Variants in CARD6 observed in about 807,000 individuals in gnomAD.
CARD6 encodes caspase recruitment domain family member 6.
A neutral mutation model predicts 23.6 loss-of-function variants in CARD6; 27 were observed. The observed-to-expected ratio is 1.14, with a 90% CI of 0.84 to 1.58. The LOEUF (loss-of-function observed/expected upper bound fraction) is 1.58, where lower values mean the gene tolerates loss of function less well. Among genes scored for constraint, CARD6 ranks in the 40% most tolerant of loss-of-function variants. The pLI is 0.00. For synonymous variants in CARD6, 397 were observed against 431.8 expected (o/e 0.92, Z 1.00); for missense variants, 1,214 against 1,209.9 (o/e 1.00, Z -0.05).
chr5:40,843,041 A>AAAAT (rs1338842811), intron 1 of CARD6, 111 bp from the exon 2 acceptor site: 68 of 739,476 alleles, frequency 9.2e-5, no homozygotes, highest in Non-Finnish European at 1.3e-4. Flanking sequence ...TCTGTCTCAA[A>AAAAT]AAATAAATAA....
chr5:40,854,048 CA>C lies in CARD6; in HGVS notation c.2721del (p.Lys907AsnfsTer2). On this transcript the variant is annotated frameshift_variant, in exon 3 of 3. Transcript: ENST00000254691. LOFTEE classifies it low-confidence loss of function (END_TRUNC). ...PQSFQPAAAT[Q>X]KLRPASQQGV... Reference sequence around the variant, plus strand: ...GTCCTTTCAACCAGCAGCAGCCACACAAAAACTAAGACCTGCTTCTCAGCAA... The same window carrying C: ...GTCCTTTCAACCAGCAGCAGCCACACAAAACTAAGACCTGCTTCTCAGCAA... 1 of 1,614,192 alleles carries C rather than the reference CA, an allele frequency of 6.2e-7. No homozygotes were observed. The highest frequency in any genetic ancestry group is 8.5e-7 in the Non-Finnish European group (1 of 1,180,044).
In CARD6 at chr5:40,854,436, G is replaced by A. The variant is rs1164874244; in HGVS notation, c.3104G>A (p.Gly1035Glu). Residue 1035 changes from glycine (G) to glutamate (E), a missense_variant, in exon 3 of 3, where the codon GGG (glycine) becomes GAG (glutamate). Physicochemically the swap from Gly to Glu is moderately conservative, Grantham distance 98 (BLOSUM62 -2). Transcript: ENST00000254691. The stretch of plus-strand genomic sequence containing the variant: ...TCAAAAGCAGGGCAGAAGAGGGGAG[G>A]GAAGCATTAAAGAGCTAACTCCAGA... ...HHSKAGQKRG[G>E]KH 1.2e-6 allele frequency: 2 copies of A among 1,612,624 alleles called. No homozygotes were observed. The highest frequency in any genetic ancestry group is 1.7e-6 in the Non-Finnish European group (2 of 1,178,968).
At chr5:40,846,083 G>A (rs1289336604) in intron 2 of CARD6, among the ~76,000 whole-genome samples, 2 of 151,778 alleles carry the variant, frequency 1.3e-5, no homozygotes, top group African/African-American at 2.4e-5. Context: ...CATGATCTTG[G>A]CTCACTGCAA....
intron 2 of CARD6, among the ~76,000 whole-genome samples, chr5:40,847,326 T>C (rs369331): frequency 0.18 from 27,387 of 152,184 alleles, 2,778 homozygotes; most frequent in East Asian, 0.33. Context: ...CTCTGCACTA[T>C]AGAAGTTCAA....
chr5:40,843,165 T>A lies in CARD6; in HGVS notation c.297T>A (p.His99Gln). ...TTTTCTTTGCAGAAGTTTTAAAACA[T>A]GAGAATACAGTACCTCCTCAATCTA... ...ICGLRHEVLK[H>Q]ENTVPPQSMG... Residue 99 changes from histidine to glutamine, a missense_variant, in exon 2 of 3, where the codon CAT becomes CAA. Physicochemically the swap from His to Gln is conservative, Grantham distance 24 (BLOSUM62 0). Coordinates refer to ENST00000254691, the MANE Select transcript of CARD6 (RefSeq NM_032587.4). The A allele has an allele frequency of 6.3e-7, 1 of 1,580,734 alleles. No individual in the cohort carries two copies. Among genetic ancestry groups the A allele is most frequent in the Non-Finnish European group, 8.5e-7 (1 of 1,169,936 alleles).
At position 40,843,460 on chromosome 5, in the gene CARD6, C is replaced by T; in HGVS notation, c.592C>T (p.Gln198Ter). ...AACTATTACATATATAAAAGATGGA[C>T]AGAGATATGAGGAGCTAGATGATTC... ...PATITYIKDG[Q>*]RYEELDDSLY... Residue 198 changes from glutamine to a stop codon, truncating the protein, a stop_gained, in exon 2 of 3, where the codon CAG (glutamine) becomes TAG (stop). Coordinates refer to ENST00000254691, the MANE Select transcript of CARD6 (RefSeq NM_032587.4). LOFTEE classifies it high-confidence loss of function. 1.2e-6 allele frequency: 2 copies of T among 1,613,368 alleles called. No homozygotes were observed. Among genetic ancestry groups the T allele is most frequent in the Non-Finnish European group, 1.7e-6 (2 of 1,179,770 alleles).
intron 1 of CARD6, among the ~76,000 whole-genome samples, chr5:40,842,332 A>T (rs565074976): frequency 3.3e-5 from 5 of 152,308 alleles, no homozygotes; most frequent in African/African-American, 9.6e-5. Context: ...ATTTTAAGGG[A>T]TGTTAGAGAG....
chr5:40,852,899 T>A lies in CARD6; in HGVS notation c.1567T>A (p.Phe523Ile), dbSNP rs764826866. Residue 523 changes from phenylalanine to isoleucine, a missense_variant, in exon 3 of 3, where the codon TTC becomes ATC. Transcript: ENST00000254691. ...DSDDRKENPF[F>I]QKPVALANLR... ...CGATGATAGAAAGGAAAACCCCTTTTTCCAAAAGCCTGTTGCTCTGGCTAA... is the reference window on the plus strand; with the variant it reads ...CGATGATAGAAAGGAAAACCCCTTTATCCAAAAGCCTGTTGCTCTGGCTAA... The A allele has an allele frequency of 1.2e-6, 2 of 1,614,028 alleles. No individual in the cohort carries two copies. Among genetic ancestry groups the A allele is most frequent in the South Asian group, 1.1e-5 (1 of 91,062 alleles).
chr5:40,843,055 A>C (rs1745891708), intron 1 of CARD6, 97 bp from the exon 2 acceptor site: 1 of 770,958 alleles, frequency 1.3e-6, no homozygotes, highest in Non-Finnish European at 2.1e-6. Context: ...TAAATAAATA[A>C]ATAAAAGGAG....
At chr5:40,850,015 T>C (rs1002427565) in intron 2 of CARD6, among the ~76,000 whole-genome samples, 1 of 149,652 alleles carries the variant, frequency 6.7e-6, no homozygotes, top group South Asian at 2.1e-4. Flanking sequence ...GTTTGGAAAA[T>C]GGGAGATCAG....
At chr5:40,848,551 C>G (rs1017202975) in intron 2 of CARD6, among the ~76,000 whole-genome samples, 7 of 152,076 alleles carry the variant, frequency 4.6e-5, no homozygotes, top group African/African-American at 1.7e-4. Flanking sequence ...ACATCTAGGT[C>G]ATTTTGGATT....
Position 40,853,190 on chromosome 5 carries a change from A to G in CARD6, c.1858A>G (p.Lys620Glu). The G allele has an allele frequency of 1.2e-6, 2 of 1,614,158 alleles. No individual in the cohort carries two copies. The highest frequency in any genetic ancestry group is 8.5e-7 in the Non-Finnish European group (1 of 1,180,026). Residue 620 changes from lysine to glutamate, a missense_variant, in exon 3 of 3, where the codon AAG (lysine) becomes GAG (glutamate). Transcript: ENST00000254691. The part of the protein sequence containing the change: ...WERGDAGDRR[K>E]NMEGLQAALQ... ...GAGGGGAGATGCTGGGGATAGAAGGAAGAACATGGAGGGCCTTCAAGCTGC... is the reference window on the plus strand; with the variant it reads ...GAGGGGAGATGCTGGGGATAGAAGGGAGAACATGGAGGGCCTTCAAGCTGC...
rs377183113 is a variant in CARD6, at chr5:40,853,839, T to A, written c.2507T>A (p.Met836Lys). The part of the protein sequence containing the change: ...VQACPERPQM[M>K]GTLERSRAVA... ...GCCTGCCCTGAGAGACCACAAATGA[T>A]GGGAACTCTTGAAAGGTCTAGGGCA... Residue 836 changes from methionine (M) to lysine (K), a missense_variant, in exon 3 of 3, where the codon ATG (methionine) becomes AAG (lysine). Coordinates refer to ENST00000254691, the MANE Select transcript of CARD6 (RefSeq NM_032587.4). The A allele has an allele frequency of 6.2e-7, 1 of 1,614,030 alleles. No homozygotes were observed. The highest frequency in any genetic ancestry group is 8.5e-7 in the Non-Finnish European group (1 of 1,180,040).
chr5:40,853,651 T>C lies in CARD6; in HGVS notation c.2319T>C (p.Asn773=). 17 of 1,614,230 alleles carry C rather than the reference T, an allele frequency of 1.1e-5. No individual in the cohort carries two copies. The highest frequency in any genetic ancestry group is 1.6e-4 in the Middle Eastern group (1 of 6,062). The change falls in exon 3 of 3, where the codon AAT becomes AAC. Residue 773 remains asparagine (N), a synonymous_variant. Transcript: ENST00000254691. The stretch of plus-strand genomic sequence containing the variant: ...GGTTCCATCCTTTGCCTTTTCAGAA[T>C]GCAGGGGCCCAGGGCCGAGGTAAAA... ...PKWFHPLPFQ[N]AGAQGRGKSF... is the part of the protein sequence containing the mutation.
chr5:40,854,749 C>T lies in CARD6; in HGVS notation c.*303C>T. 1 of 271,264 alleles carries T rather than the reference C, an allele frequency of 3.7e-6. No homozygotes were observed. Among genetic ancestry groups the T allele is most frequent in the South Asian group, 5.6e-5 (1 of 17,990 alleles). The allele number at this position is 271,264 out of a possible 1,614,324, so 16.8% of individuals were successfully genotyped here. The stretch of plus-strand genomic sequence containing the variant: ...GGGATTACAGGCATGCACCACCACA[C>T]CCAGCTAATTTTGTATTTTTAGTAG... On this transcript the variant is annotated 3_prime_UTR_variant, in exon 3 of 3. Coordinates refer to ENST00000254691, the MANE Select transcript of CARD6 (RefSeq NM_032587.4).
Position 40,847,359 on chromosome 5 carries a change from ACT to A in CARD6, c.841+3655_841+3656del, listed in dbSNP as rs1189843171. On this transcript the variant is annotated intron_variant, in intron 2 of 2. Coordinates refer to ENST00000254691, the MANE Select transcript of CARD6 (RefSeq NM_032587.4). Reference sequence around the variant, plus strand: ...CAACTTGTATAGACAGTATCAATTGACTCTCTTCCCCCTCCAGCTTGTTGTTG... The same window carrying A: ...CAACTTGTATAGACAGTATCAATTGACTCTTCCCCCTCCAGCTTGTTGTTG... Among the ~76,000 whole-genome samples, 4 of 152,176 alleles carry A rather than the reference ACT, an allele frequency of 2.6e-5. No individual in the cohort carries two copies. The East Asian group carries it at 7.7e-4, about 29-fold the overall frequency.
intron 2 of CARD6, among the ~76,000 whole-genome samples, chr5:40,851,206 T>C (rs1179719107): frequency 6.6e-6 from 1 of 151,846 alleles, no homozygotes; most frequent in Non-Finnish European, 1.5e-5. Context: ...GGCACATGCC[T>C]GTAATCCCAG....
Position 40,846,122 on chromosome 5 carries a change from C to T in CARD6, c.841+2413C>T, listed in dbSNP as rs570925745. Among the ~76,000 whole-genome samples the T allele has an allele frequency of 4.0e-5, 6 of 151,868 alleles. No homozygotes were observed. In the East Asian group the frequency reaches 7.8e-4, roughly 20 times the overall value. On this transcript the variant is annotated intron_variant, in intron 2 of 2. Coordinates refer to ENST00000254691, the MANE Select transcript of CARD6 (RefSeq NM_032587.4). ...CTGCCTCCTGGGTTCAAGCGATTCT[C>T]CTGCCTCAGCCTCCTGAGTAGCTGG...
rs1746168542 is a variant in CARD6 at position 40,855,131 on chromosome 5, T to G, written c.*685T>G. On this transcript the variant is annotated 3_prime_UTR_variant, in exon 3 of 3. Coordinates refer to ENST00000254691, the MANE Select transcript of CARD6 (RefSeq NM_032587.4). ...CAATAGGACGAAAGTTGCCTCTGTG[T>G]CTGAGAAAGTATCTTAGTTGTTGGC... 1 of 152,356 alleles carries G rather than the reference T, an allele frequency of 6.6e-6. No homozygotes were observed. Among genetic ancestry groups the G allele is most frequent in the African/African-American group, 2.4e-5 (1 of 41,454 alleles). 9.4% of individuals were successfully genotyped at this position (152,356 alleles called of 1,614,324 possible).
Sources: allele counts gnomAD v4.1 joint callset (sites outside exome capture counted in the v4.1 genomes callset), GRCh38; gene constraint gnomAD v4.1.1; transcripts MANE v1.5; gene names NCBI Gene and HGNC (gene_info 2026-07-23, HGNC 2026-07-21).